The following XKR9 variants were observed in gnomAD, a reference collection of about 807,000 sequenced individuals.
The protein encoded by XKR9 is XK-related protein 9.
XKR9 carries 32 observed loss-of-function variants against 32.0 expected under a neutral mutation model. The ratio of observed to expected loss-of-function variants is 1.00; its 90% CI spans 0.76 to 1.34. The LOEUF (loss-of-function observed/expected upper bound fraction) is 1.34, where lower values mean the gene tolerates loss of function less well. Ranked by LOEUF, XKR9 falls within the 40% of genes most tolerant of loss-of-function variation. The probability of loss-of-function intolerance (pLI) is 0.00; values close to 1 mark genes in which losing one functional copy is unlikely to be tolerated. For missense variants in XKR9, 546 were observed against 429.7 expected (o/e 1.27, Z -2.39); for synonymous variants, 168 against 143.4 (o/e 1.17, Z -1.22).
chr8:70,869,215 C>T, the XKR9 span, among the ~76,000 whole-genome samples: 1 of 152,184 alleles, frequency 6.6e-6, no homozygotes, highest in Non-Finnish European at 1.5e-5. Context: ...ATCTTTTCAG[C>T]AGTGCCCCAC....
rs756121592 is a variant in XKR9, at chr8:70,681,168, A to C, written c.110A>C (p.Gln37Pro). ...TCTGTCAGATTTTTCCATGAAGGACAGTATGTTTTTAGTGCTTTAGCGTTA... is the reference window on the plus strand; with the variant it reads ...TCTGTCAGATTTTTCCATGAAGGACCGTATGTTTTTAGTGCTTTAGCGTTA... The part of the protein sequence containing the change: ...WVSVRFFHEG[Q>P]YVFSALALSF... Residue 37 changes from glutamine to proline, a missense_variant, in exon 3 of 5, where the codon CAG (glutamine) becomes CCG (proline). Gln to Pro is a moderately conservative substitution (Grantham distance 76, BLOSUM62 -1). Transcript: ENST00000408926. 1.2e-6 allele frequency: 2 copies of C among 1,613,630 alleles called. No individual in the cohort carries two copies. The highest frequency in any genetic ancestry group is 1.7e-6 in the Non-Finnish European group (2 of 1,179,644).
the XKR9 span, among the ~76,000 whole-genome samples, chr8:71,042,847 A>G: frequency 6.6e-6 from 1 of 152,180 alleles, no homozygotes; most frequent in Non-Finnish European, 1.5e-5. Flanking sequence ...CACCCCATGC[A>G]AGACCCTGGT....
the XKR9 span, among the ~76,000 whole-genome samples, chr8:70,843,437 C>G: frequency 4.6e-5 from 7 of 151,726 alleles, no homozygotes; most frequent in Non-Finnish European, 8.8e-5. Flanking sequence ...TAAAAGTTAC[C>G]CTAGAGAGAG....
In XKR9 at chr8:70,669,405, G is replaced by C. The variant is rs138543505; in HGVS notation, c.-494G>C. ...GGAAGGCTGGCGCGAGGCGTGAGGT[G>C]GCGTGAGGCGAAGCTGGAATCTGCC... On this transcript the variant is annotated 5_prime_UTR_variant, in exon 1 of 5. Transcript: ENST00000408926. 0.01 allele frequency: 4,184 copies of C among 406,802 alleles called. 31 individuals carry two copies. Among genetic ancestry groups the C allele is most frequent in the Non-Finnish European group, 0.015 (3,397 of 223,806 alleles). The allele number at this position is 406,802 out of a possible 1,614,324, so 25.2% of individuals were successfully genotyped here. A position where few individuals can be genotyped will look rare whatever the true frequency, so the allele number is the denominator to read the frequency against.
chr8:70,842,274 C>T, the XKR9 span, among the ~76,000 whole-genome samples: 1 of 152,104 alleles, frequency 6.6e-6, no homozygotes, highest in Admixed American at 6.6e-5. Flanking sequence ...CTTCTGTGTG[C>T]TTTTGAAATA....
chr8:71,052,599 T>C, the XKR9 span, among the ~76,000 whole-genome samples: 20 of 152,200 alleles, frequency 1.3e-4, no homozygotes, highest in African/African-American at 4.8e-4. Flanking sequence ...AGGCAGTCAG[T>C]ATTCAAGCAG....
At chr8:71,046,567 A>G in the XKR9 span, among the ~76,000 whole-genome samples, 1 of 152,236 alleles carries the variant, frequency 6.6e-6, no homozygotes, top group South Asian at 2.1e-4. Context: ...ATTGAGGCTC[A>G]TAGGAGTCAA....
intron 3 of XKR9, among the ~76,000 whole-genome samples, chr8:70,699,937 CT>C (rs1805454514): frequency 6.6e-6 from 1 of 152,166 alleles, no homozygotes; most frequent in African/African-American, 2.4e-5. Context: ...TTCATTTCAT[CT>C]TCCATCACTG....
chr8:70,979,543 T>C, the XKR9 span, among the ~76,000 whole-genome samples: 1 of 152,248 alleles, frequency 6.6e-6, no homozygotes, highest in Non-Finnish European at 1.5e-5. Context: ...CTCCAGACTC[T>C]GTTTTCCTGG....
At chr8:70,753,092 G>A (rs1163854309) in intron 2 of XKR9, among the ~76,000 whole-genome samples, 12 of 152,218 alleles carry the variant, frequency 7.9e-5, no homozygotes, top group South Asian at 4.2e-4. Flanking sequence ...CATCACCACC[G>A]ATCCCACAGA....
chr8:70,773,894 T>A (rs1807485579), intron 2 of XKR9, among the ~76,000 whole-genome samples: 1 of 152,210 alleles, frequency 6.6e-6, no homozygotes, highest in Non-Finnish European at 1.5e-5. Context: ...AATAGGGTCA[T>A]CTTCATGTAG....
At chr8:70,692,149 G>A (rs1219108030) in intron 3 of XKR9, among the ~76,000 whole-genome samples, 3 of 151,890 alleles carry the variant, frequency 2.0e-5, no homozygotes, top group African/African-American at 7.3e-5. Flanking sequence ...GTATTCCTAG[G>A]TGTTTTATTT....
At chr8:70,976,862 T>C in the XKR9 span, among the ~76,000 whole-genome samples, 3 of 152,304 alleles carry the variant, frequency 2.0e-5, no homozygotes, top group South Asian at 6.2e-4. Flanking sequence ...CTTTTTTTGG[T>C]TGGTAGGCTA....
the XKR9 span, among the ~76,000 whole-genome samples, chr8:70,811,347 T>A: frequency 3.6e-4 from 55 of 152,246 alleles, no homozygotes; most frequent in African/African-American, 1.1e-3. Context: ...AGGAAAGATC[T>A]ACAATTGACA....
At chr8:70,752,304 G>A (rs76648959) in intron 2 of XKR9, among the ~76,000 whole-genome samples, 3,080 of 152,248 alleles carry the variant, frequency 0.02, 47 homozygotes, top group Non-Finnish European at 0.032. Flanking sequence ...CTGAATACCC[G>A]AGTCTTGGTA....
At chr8:70,887,417 G>T in the XKR9 span, among the ~76,000 whole-genome samples, 45 of 151,100 alleles carry the variant, frequency 3.0e-4, 1 homozygote, top group Middle Eastern at 3.4e-3. Flanking sequence ...CTTTTTTTTT[G>T]GTTTCATATG....
At chr8:70,714,900 C>T (rs1004070662) in intron 4 of XKR9, among the ~76,000 whole-genome samples, 2 of 151,878 alleles carry the variant, frequency 1.3e-5, no homozygotes, top group African/African-American at 2.4e-5. Flanking sequence ...TCATTTTAGA[C>T]TGAGGAAAAG....
At position 70,734,299 on chromosome 8, in the gene XKR9, A is replaced by G. The variant is rs1369835133; in HGVS notation, c.997A>G (p.Ile333Val). ...ITIVLTLLLG[I>V]LFLIVYYGSF... is the part of the protein sequence containing the mutation. ...TATAGTTCTTACTCTTCTTCTTGGA[A>G]TTCTTTTTCTTATTGTTTATTATGG... The change falls in exon 5 of 5, where the codon ATT becomes GTT. Residue 333 changes from isoleucine to valine, a missense_variant. By Grantham distance (29) the Ile-to-Val change is conservative. Transcript: ENST00000408926. 6.2e-7 allele frequency: 1 copy of G among 1,612,740 alleles called. No homozygotes were observed. The highest frequency in any genetic ancestry group is 1.7e-5 in the Admixed American group (1 of 59,904).
At chr8:70,821,914 G>T in the XKR9 span, among the ~76,000 whole-genome samples, 1 of 152,176 alleles carries the variant, frequency 6.6e-6, no homozygotes, top group Admixed American at 6.5e-5. Flanking sequence ...CATTGTCTTG[G>T]TGATTAACAT....
Sources: gnomAD v4.1 joint callset for allele counts (sites outside exome capture counted in the v4.1 genomes callset) on GRCh38, gnomAD v4.1.1 for gene constraint, MANE v1.5 for transcripts, NCBI Gene and HGNC (gene_info 2026-07-23, HGNC 2026-07-21) for gene names.